The following GRID2 variants were observed in gnomAD, a reference collection of about 807,000 sequenced individuals.
GRID2 encodes glutamate ionotropic receptor delta type subunit 2, also known as glutamate receptor ionotropic, delta-2.
In GRID2, 33 loss-of-function variants were observed where a neutral mutation model predicts 114.8. The observed-to-expected ratio is 0.29, with a 90% CI of 0.22 to 0.38. The LOEUF (loss-of-function observed/expected upper bound fraction) is 0.38. Among genes scored for constraint, GRID2 ranks in the 10% least tolerant of loss-of-function variants. The pLI is 1.00. For synonymous variants in GRID2, 505 were observed against 449.9 expected (o/e 1.12, Z -1.55); for missense variants, 1,184 against 1,257.7 (o/e 0.94, Z 0.89).
At chr4:92,508,655 A>G (rs1159081912) in intron 1 of GRID2, among the ~76,000 whole-genome samples, 1 of 151,938 alleles carries the variant, frequency 6.6e-6, no homozygotes, top group Admixed American at 6.6e-5. Context: ...TTTGGAGAAG[A>G]GGAAAGAAAA....
At chr4:92,684,940 C>T (rs1052769322) in intron 2 of GRID2, among the ~76,000 whole-genome samples, 2 of 152,010 alleles carry the variant, frequency 1.3e-5, no homozygotes, top group African/African-American at 4.8e-5. Flanking sequence ...ATGATAGTGT[C>T]TGACATGAAT....
chr4:92,409,801 AAG>A (rs1273861093), intron 1 of GRID2, among the ~76,000 whole-genome samples: 1 of 152,122 alleles, frequency 6.6e-6, no homozygotes. Flanking sequence ...GGAGAGAGGA[AAG>A]AGAGTTACAA....
In GRID2 at chr4:92,729,328, AAATAT is replaced by A. The variant is rs1312037596; in HGVS notation, c.244+139049_244+139053del. Among the ~76,000 whole-genome samples the A allele has an allele frequency of 7.2e-5, 11 of 152,238 alleles. No homozygotes were observed. The East Asian group carries it at 1.4e-3, about 19-fold the overall frequency. On this transcript the variant is annotated intron_variant, in intron 2 of 15. Transcript: ENST00000282020. ...TCCTCAGAACACTGAGCAAAGTGCTAAATATAATATATACCCAATATAACTATATT... is the reference window on the plus strand; with the variant it reads ...TCCTCAGAACACTGAGCAAAGTGCTAAATATATACCCAATATAACTATATT...
At chr4:93,333,859 T>C (rs1758750649) in intron 8 of GRID2, among the ~76,000 whole-genome samples, 1 of 139,276 alleles carries the variant, frequency 7.2e-6, no homozygotes, top group South Asian at 2.2e-4. Context: ...TTAAGTCTTA[T>C]ACAAGGAGAA....
chr4:92,680,652 T>C (rs964239400), intron 2 of GRID2, among the ~76,000 whole-genome samples: 2 of 152,138 alleles, frequency 1.3e-5, no homozygotes, highest in African/African-American at 4.8e-5. Context: ...TCGTTGTTAT[T>C]TTAGAACAAT....
intron 14 of GRID2, among the ~76,000 whole-genome samples, chr4:93,758,985 A>G (rs1732986382): frequency 6.6e-6 from 1 of 151,574 alleles, no homozygotes; most frequent in Admixed American, 6.6e-5. Context: ...CCTCTATCTC[A>G]GTGGGAGCCA....
intron 2 of GRID2, among the ~76,000 whole-genome samples, chr4:92,680,856 A>G (rs1175691903): frequency 1.3e-5 from 2 of 152,172 alleles, no homozygotes; most frequent in Non-Finnish European, 2.9e-5. Flanking sequence ...TTAGGTGGCA[A>G]TTTCTGTGCC....
At chr4:93,587,710 A>T (rs766820448) in intron 13 of GRID2, among the ~76,000 whole-genome samples, 1 of 151,850 alleles carries the variant, frequency 6.6e-6, no homozygotes, top group Non-Finnish European at 1.5e-5. Context: ...TAGATATTTT[A>T]CTCCAATGGT....
At chr4:92,506,289 T>C (rs1406794401) in intron 1 of GRID2, among the ~76,000 whole-genome samples, 1 of 151,924 alleles carries the variant, frequency 6.6e-6, no homozygotes, top group Non-Finnish European at 1.5e-5. Context: ...TGAGCTGCTT[T>C]CTAGGAAATT....
intron 13 of GRID2, among the ~76,000 whole-genome samples, chr4:93,580,550 T>A (rs1736871362): frequency 6.6e-6 from 1 of 152,178 alleles, no homozygotes; most frequent in Non-Finnish European, 1.5e-5. Flanking sequence ...AGAGACTTGA[T>A]AACTGTTTTG....
chr4:93,613,465 G>A (rs1411634608), intron 13 of GRID2, among the ~76,000 whole-genome samples: 1 of 91,684 alleles, frequency 1.1e-5, no homozygotes, highest in Admixed American at 1.1e-4. Flanking sequence ...GGTCTTTGAT[G>A]ATGGTGATGT....
rs145443814 is a variant in GRID2 at position 93,166,629 on chromosome 4, T to A, written c.736-40775T>A. Reference sequence around the variant, plus strand: ...ATGAAGATGTTTCAGAATTTAACAATCACTGCTTTATGAGGAATCCCAGAA... The same window carrying A: ...ATGAAGATGTTTCAGAATTTAACAAACACTGCTTTATGAGGAATCCCAGAA... On this transcript the variant is annotated intron_variant, in intron 4 of 15. Transcript: ENST00000282020. 2.6e-5 allele frequency among the ~76,000 whole-genome samples: 4 copies of A among 152,232 alleles called. No individual in the cohort carries two copies. The East Asian group carries it at 7.7e-4, about 29-fold the overall frequency.
intron 11 of GRID2, among the ~76,000 whole-genome samples, chr4:93,468,255 G>T (rs1234124486): frequency 6.6e-6 from 1 of 152,120 alleles, no homozygotes; most frequent in Non-Finnish European, 1.5e-5. Flanking sequence ...TATGTAATGT[G>T]CCAGGCACTA....
At chr4:93,023,163 T>C (rs565401014) in intron 2 of GRID2, among the ~76,000 whole-genome samples, 1 of 151,354 alleles carries the variant, frequency 6.6e-6, no homozygotes, top group Admixed American at 6.6e-5. Flanking sequence ...GTATTGGGCA[T>C]GTATCTTTGG....
At chr4:92,555,822 T>C (rs543952362) in intron 1 of GRID2, among the ~76,000 whole-genome samples, 1 of 152,254 alleles carries the variant, frequency 6.6e-6, no homozygotes, top group South Asian at 2.1e-4. Context: ...TTTTGATTTC[T>C]TTTTTCCTAT....
At chr4:92,941,509 C>CA (rs1238280040) in intron 2 of GRID2, among the ~76,000 whole-genome samples, 1 of 152,024 alleles carries the variant, frequency 6.6e-6, no homozygotes, top group Non-Finnish European at 1.5e-5. Context: ...TTGATCTTTT[C>CA]AAAAAACCAG....
intron 1 of GRID2, among the ~76,000 whole-genome samples, chr4:92,549,159 CT>C (rs1453160737): frequency 6.7e-6 from 1 of 148,524 alleles, no homozygotes; most frequent in Non-Finnish European, 1.5e-5. Context: ...ACCAAGTAAT[CT>C]CAAATAGATG....
At chr4:93,777,012 G>A (rs1468913274), downstream of GRID2, among the ~76,000 whole-genome samples, 4 of 152,108 alleles carry the variant, frequency 2.6e-5, no homozygotes, top group Non-Finnish European at 1.5e-5. Context: ...TTTTCATACT[G>A]CAACTAAAAC....
At chr4:93,650,944 G>T (rs1722532231) in intron 14 of GRID2, among the ~76,000 whole-genome samples, 1 of 152,002 alleles carries the variant, frequency 6.6e-6, no homozygotes, top group Admixed American at 6.6e-5. Flanking sequence ...AAGGCTTCTA[G>T]ACTCAGTTTA....
Sources: allele counts gnomAD v4.1 joint callset (sites outside exome capture counted in the v4.1 genomes callset), GRCh38; gene constraint gnomAD v4.1.1; transcripts MANE v1.5; gene names NCBI Gene and HGNC (gene_info 2026-07-23, HGNC 2026-07-21).